WNK2: variants seen among roughly 807,000 people sequenced by gnomAD.
The protein encoded by WNK2 is serine/threonine-protein kinase WNK2.
In WNK2, 67 loss-of-function variants were observed where a neutral mutation model predicts 192.1. The observed-to-expected ratio is 0.35, with a 90% confidence interval of 0.29 to 0.43. The LOEUF (loss-of-function observed/expected upper bound fraction) is 0.43. Ranked by LOEUF, WNK2 falls within the 20% of genes least tolerant of loss-of-function variation. The pLI is 1.00. For synonymous variants in WNK2, 1,439 were observed against 1,393.9 expected, an observed-to-expected ratio of 1.03 and a Z score of -0.72; for missense variants, 2,698 against 3,089.7, an observed-to-expected ratio of 0.87 and a Z score of 3.01.
rs1848953066 is a variant in WNK2 at position 93,289,314 on chromosome 9, G to T, written c.4560G>T (p.Gly1520=). The T allele has an allele frequency of 6.3e-7, 1 of 1,599,636 alleles. No homozygotes were observed. The highest frequency in any genetic ancestry group is 8.5e-7 in the Non-Finnish European group (1 of 1,173,828). ...CCCAGCTCCCAAGCCCACCCCTGGG[G>T]CCCACCGTCCCCCCACAGCCACCCT... ...ATSQLPSPPL[G]PTVPPQPPSA... The change falls in exon 20 of 30, where the codon GGG becomes GGT. Residue 1520 remains glycine, a synonymous_variant. Coordinates refer to ENST00000427277, the MANE Select transcript of WNK2 (RefSeq NM_006648.4).
chr9:93,306,664 T>C, intron 26 of WNK2, 113 bp from the exon 27 acceptor site: 1 of 1,343,394 alleles, frequency 7.4e-7, no homozygotes, highest in Non-Finnish European at 1.1e-6. Context: ...AACTGCTGCC[T>C]GTGTCTGCCC....
chr9:93,234,274 C>T (rs1041089834), intron 4 of WNK2, among the ~76,000 whole-genome samples: 1 of 152,216 alleles, frequency 6.6e-6, no homozygotes, highest in Non-Finnish European at 1.5e-5. Flanking sequence ...GGGACACTGT[C>T]TTCAGTGATG....
chr9:93,267,972 G>A (rs1213231916), intron 17 of WNK2, 48 bp from the exon 18 acceptor site: 1 of 1,606,268 alleles, frequency 6.2e-7, no homozygotes, highest in South Asian at 1.1e-5. Context: ...CTGGGCAGGT[G>A]GGCGCTGCAG....
chr9:93,304,194 G>T (rs1255580492), intron 26 of WNK2, among the ~76,000 whole-genome samples: 1 of 152,246 alleles, frequency 6.6e-6, no homozygotes, highest in Middle Eastern at 3.2e-3. Context: ...GGGTCTGGAT[G>T]GGGCAGGTGC....
At chr9:93,252,160 G>A (rs1477609534) in intron 8 of WNK2, among the ~76,000 whole-genome samples, 1 of 152,204 alleles carries the variant, frequency 6.6e-6, no homozygotes, top group Non-Finnish European at 1.5e-5. Flanking sequence ...GACCCCACAG[G>A]CTGAAGATGT....
At chr9:93,248,007 A>G (rs1842030966) in intron 8 of WNK2, among the ~76,000 whole-genome samples, 173 bp downstream of exon 8, 1 of 152,230 alleles carries the variant, frequency 6.6e-6, no homozygotes, top group Admixed American at 6.5e-5. Context: ...AGCTGTCCTC[A>G]CGTAGCGTGG....
chr9:93,289,714 G>A (rs1849014861), intron 20 of WNK2, 94 bp downstream of exon 20: 4 of 1,266,496 alleles, frequency 3.2e-6, no homozygotes, highest in African/African-American at 3.0e-5. Flanking sequence ...TGGCTATGCA[G>A]AGCCGCCCTC....
In WNK2 at chr9:93,239,918, C is replaced by A. The variant is rs1316367182; in HGVS notation, c.1484C>A (p.Ala495Asp). The change falls in exon 7 of 30, where the codon GCC becomes GAC. Residue 495 changes from alanine to aspartate, a missense_variant. Ala to Asp is a moderately radical substitution (Grantham distance 126, BLOSUM62 -2). Around this residue, in one of 7 missense-constraint regions of WNK2, gnomAD observed 230 missense variants for 501.1 expected, o/e 0.46. Coordinates refer to ENST00000427277, the MANE Select transcript of WNK2 (RefSeq NM_006648.4). The surrounding 1 kb of genome is among the most constrained non-coding windows in gnomAD (Gnocchi z 4.2). ...AAGGGAAAGCCCAAGGACAATGGAG[C>A]CATAGAGTTCACCTTCGACCTGGAG... is the stretch of plus-strand genomic sequence containing the variant. ...KLKGKPKDNG[A>D]IEFTFDLEKE... is the part of the protein sequence containing the mutation. 2 of 1,612,240 alleles carry A rather than the reference C, an allele frequency of 1.2e-6. No homozygotes were observed. The highest frequency in any genetic ancestry group is 1.7e-5 in the Admixed American group (1 of 59,880).
At chr9:93,292,237 G>C (rs1849474471) in intron 21 of WNK2, 71 bp from the exon 22 acceptor site, 2 of 1,551,478 alleles carry the variant, frequency 1.3e-6, no homozygotes, top group Admixed American at 1.7e-5. Context: ...GGGCTGCTTC[G>C]GGTCAGCTGT....
chr9:93,234,435 C>T (rs1035349439), intron 4 of WNK2, among the ~76,000 whole-genome samples: 11 of 152,174 alleles, frequency 7.2e-5, no homozygotes, highest in African/African-American at 2.7e-4. Flanking sequence ...AACGTGGCTG[C>T]GGCCGAGCCT....
At chr9:93,282,517 A>C (rs1847891413) in intron 19 of WNK2, among the ~76,000 whole-genome samples, 1 of 152,146 alleles carries the variant, frequency 6.6e-6, no homozygotes, top group Non-Finnish European at 1.5e-5. Context: ...AAGAGTAAAA[A>C]ACAAAAATGG....
intron 12 of WNK2, among the ~76,000 whole-genome samples, chr9:93,261,566 C>G (rs546395749): frequency 1.8e-4 from 27 of 152,326 alleles, no homozygotes; most frequent in Non-Finnish European, 2.5e-4. Context: ...TAGACGGAGC[C>G]CCGTTCCTGG....
At position 93,257,783 on chromosome 9, in the gene WNK2, A is replaced by G. The variant is rs184345273; in HGVS notation, c.2382+644A>G. 6.6e-6 allele frequency among the ~76,000 whole-genome samples: 1 copy of G among 152,334 alleles called. No individual in the cohort carries two copies. The highest frequency in any genetic ancestry group is 1.9e-4 in the East Asian group (1 of 5,186). On this transcript the variant is annotated intron_variant, in intron 11 of 29. Transcript: ENST00000427277. The surrounding 1 kb of genome is among the most constrained non-coding windows in gnomAD (Gnocchi z 4.7). ...AGCAAGGCTCGACTCACACAGCTGA[A>G]GTGACTTCTGCTGTCTTTCTCTGGG...
intron 2 of WNK2, among the ~76,000 whole-genome samples, chr9:93,207,470 G>A (rs915081463): frequency 3.3e-5 from 5 of 152,186 alleles, no homozygotes; most frequent in East Asian, 1.9e-4. Context: ...TCCAGTGCAC[G>A]CCCAGGGTGA....
intron 21 of WNK2, among the ~76,000 whole-genome samples, chr9:93,291,596 G>C (rs1175293024): frequency 1.3e-5 from 2 of 152,176 alleles, no homozygotes; most frequent in East Asian, 3.9e-4. Flanking sequence ...TTGTTCCCTT[G>C]TGAGTTTCCA....
At chr9:93,308,759 G>A in intron 28 of WNK2, 175 bp downstream of exon 28, 1 of 1,411,944 alleles carries the variant, frequency 7.1e-7, no homozygotes, top group South Asian at 1.5e-5. Context: ...AGATTGGGAG[G>A]TGAGCGACGC....
intron 8 of WNK2, among the ~76,000 whole-genome samples, chr9:93,249,219 G>A (rs1564083018): frequency 6.6e-6 from 1 of 152,168 alleles, no homozygotes; most frequent in Non-Finnish European, 1.5e-5. Flanking sequence ...ATAATTCCTA[G>A]GATGGGAGTT....
At position 93,230,969 on chromosome 9, in the gene WNK2, G is replaced by A. The variant is rs1213855721; in HGVS notation, c.936G>A (p.Leu312=). 1.9e-6 allele frequency: 3 copies of A among 1,613,730 alleles called. No individual in the cohort carries two copies. In the East Asian group the frequency reaches 6.7e-5, roughly 36 times the overall value. ...CRQILKGLLF[L]HTRTPPIIHR... ...AGATCCTGAAGGGCCTGCTGTTCCTGCACACAAGGACGCCACCCATCATCC... is the reference window on the plus strand; with the variant it reads ...AGATCCTGAAGGGCCTGCTGTTCCTACACACAAGGACGCCACCCATCATCC... The change falls in exon 4 of 30, where the codon CTG becomes CTA. Residue 312 remains leucine, a synonymous_variant. Coordinates refer to ENST00000427277, the MANE Select transcript of WNK2 (RefSeq NM_006648.4).
intron 7 of WNK2, among the ~76,000 whole-genome samples, chr9:93,246,942 A>T (rs547877029): frequency 6.6e-6 from 1 of 152,356 alleles, no homozygotes; most frequent in East Asian, 1.9e-4. Flanking sequence ...TATTCCGTGA[A>T]TATTCTTGGC....
Sources: allele counts gnomAD v4.1 joint callset (sites outside exome capture counted in the v4.1 genomes callset), GRCh38; gene constraint gnomAD v4.1.1; regional missense constraint gnomAD v4.1.1; non-coding constraint Gnocchi (gnomAD v3.1); transcripts MANE v1.5; gene names NCBI Gene and HGNC (gene_info 2026-07-23, HGNC 2026-07-21).